SLCO5A1: variants seen among roughly 807,000 people sequenced by gnomAD.
SLCO5A1 encodes the protein organic anion transporter polypeptide-related protein 4.
SLCO5A1 carries 39 observed loss-of-function variants against 65.1 expected under a neutral mutation model. The ratio of observed to expected loss-of-function variants is 0.60; its 90% CI spans 0.46 to 0.78. The LOEUF (loss-of-function observed/expected upper bound fraction) is 0.78. SLCO5A1 is among the 30% of genes least tolerant of loss of function. SLCO5A1 has a pLI of 0.00. For synonymous variants in SLCO5A1, 438 were observed against 415.7 expected (o/e 1.05, Z -0.65); for missense variants, 1,029 against 1,069.4 (o/e 0.96, Z 0.53).
At chr8:69,718,803 T>C (rs747476269) in intron 5 of SLCO5A1, among the ~76,000 whole-genome samples, 4 of 152,124 alleles carry the variant, frequency 2.6e-5, no homozygotes, top group Non-Finnish European at 5.9e-5. Context: ...GTTTACAATC[T>C]AACGTGGGAA....
chr8:69,735,471 A>G (rs1816514102), intron 5 of SLCO5A1, among the ~76,000 whole-genome samples: 1 of 152,266 alleles, frequency 6.6e-6, no homozygotes, highest in African/African-American at 2.4e-5. Context: ...CATATGCACC[A>G]TGGAATTCTA....
intron 2 of SLCO5A1, among the ~76,000 whole-genome samples, chr8:69,783,686 A>G (rs1352553531): frequency 6.6e-6 from 1 of 152,176 alleles, no homozygotes; most frequent in Non-Finnish European, 1.5e-5. Flanking sequence ...TTCCCTAATC[A>G]TTAATCAATC....
In SLCO5A1 at chr8:69,667,810, T is replaced by C. The variant is rs537573287; in HGVS notation, c.*5059A>G. 56 of 152,374 alleles carry C rather than the reference T, an allele frequency of 3.7e-4. No individual in the cohort carries two copies. The highest frequency in any genetic ancestry group is 1.3e-3 in the African/African-American group (52 of 41,594). The allele number at this position is 152,374 out of a possible 1,614,324, so 9.4% of individuals were successfully genotyped here. On this transcript the variant is annotated 3_prime_UTR_variant, in exon 10 of 10. Coordinates refer to ENST00000260126, the MANE Select transcript of SLCO5A1 (RefSeq NM_030958.3). ...TGGCATCTGATTATTCTTGCTAAAA[T>C]AAATATCAAAAGCACTGAGTATTCC...
chr8:69,785,006 GA>G (rs1238446603), intron 2 of SLCO5A1, among the ~76,000 whole-genome samples: 45 of 137,210 alleles, frequency 3.3e-4, no homozygotes, highest in African/African-American at 1.2e-3. Flanking sequence ...AAGAAAGAAA[GA>G]AAAGAAAAGA....
intron 2 of SLCO5A1, among the ~76,000 whole-genome samples, chr8:69,805,550 A>T (rs1461922996): frequency 2.0e-5 from 3 of 152,246 alleles, no homozygotes; most frequent in Non-Finnish European, 4.4e-5. Flanking sequence ...GGGCAAAGAT[A>T]CAATGAATTA....
At chr8:69,823,713 T>A (rs1380812602) in intron 2 of SLCO5A1, among the ~76,000 whole-genome samples, 2 of 152,116 alleles carry the variant, frequency 1.3e-5, no homozygotes, top group Non-Finnish European at 2.9e-5. Context: ...ATTAGACAGA[T>A]CAACGAGACA....
chr8:69,808,931 C>A (rs1820118384), intron 2 of SLCO5A1, among the ~76,000 whole-genome samples: 2 of 151,924 alleles, frequency 1.3e-5, no homozygotes, highest in African/African-American at 4.8e-5. Flanking sequence ...ATGATGAAAT[C>A]CCGTCTCTAC....
chr8:69,768,628 C>A (rs1377795787), intron 2 of SLCO5A1, among the ~76,000 whole-genome samples: 1 of 151,866 alleles, frequency 6.6e-6, no homozygotes, highest in Non-Finnish European at 1.5e-5. Flanking sequence ...TGCGTCCTCA[C>A]CTGGCCTCTC....
chr8:69,734,950 A>G lies in SLCO5A1; in HGVS notation c.1423+3090T>C, dbSNP rs143297022. 2.6e-3 allele frequency among the ~76,000 whole-genome samples: 403 copies of G among 152,302 alleles called. 5 individuals are homozygous for G. The highest frequency in any genetic ancestry group is 9.4e-3 in the African/African-American group (391 of 41,578). On this transcript the variant is annotated intron_variant, in intron 5 of 9. Coordinates refer to ENST00000260126, the MANE Select transcript of SLCO5A1 (RefSeq NM_030958.3). The stretch of plus-strand genomic sequence containing the variant: ...AAACTGATAACAATTCAAAAAACCA[A>G]GAGGAGTTTTAACAAATTTACAAGA...
At position 69,825,278 on chromosome 8, in the gene SLCO5A1, G is replaced by A. The variant is rs545631853; in HGVS notation, c.907+6489C>T. ...ACATAGTGTTGGGAAGTTCTGGCCA[G>A]GGCAATCAGGCAGGAGAAGGAAATA... On this transcript the variant is annotated intron_variant, in intron 2 of 9. Coordinates refer to ENST00000260126, the MANE Select transcript of SLCO5A1 (RefSeq NM_030958.3). Among the ~76,000 whole-genome samples the A allele has an allele frequency of 2.0e-3, 305 of 152,292 alleles. 1 individual carries two copies. Among genetic ancestry groups the A allele is most frequent in the Middle Eastern group, 3.4e-3 (1 of 294 alleles).
intron 2 of SLCO5A1, among the ~76,000 whole-genome samples, chr8:69,782,264 TAA>T (rs1255230140): frequency 3.3e-5 from 5 of 151,976 alleles, no homozygotes; most frequent in East Asian, 1.9e-4. Context: ...TCAAAAATTA[TAA>T]GTTATATAAA....
In SLCO5A1 at chr8:69,679,583, G is replaced by A. The variant is rs765107213; in HGVS notation, c.1819C>T (p.Arg607Cys). ...NYTECTCVQS[R>C]QVITPPTVGQ... ...ACGGTGGGTGGAGTGATCACTTGGC[G>A]ACTTTGGACACAGGTGCATTCTGTA... is the stretch of plus-strand genomic sequence containing the variant. The change falls in exon 8 of 10, where the codon CGC becomes TGC. Residue 607 changes from arginine (R) to cysteine (C), a missense_variant. Arg to Cys is a radical substitution (Grantham distance 180, BLOSUM62 -3). Coordinates refer to ENST00000260126, the MANE Select transcript of SLCO5A1 (RefSeq NM_030958.3). 8.7e-6 allele frequency: 14 copies of A among 1,614,066 alleles called. No individual in the cohort carries two copies. The Middle Eastern group carries it at 4.9e-4, about 57-fold the overall frequency.
intron 5 of SLCO5A1, among the ~76,000 whole-genome samples, chr8:69,706,538 C>A (rs1274202195): frequency 1.3e-5 from 2 of 152,106 alleles, no homozygotes; most frequent in African/African-American, 4.8e-5. Context: ...GGGATTCATG[C>A]CCTTATAAAA....
In SLCO5A1 at chr8:69,669,506, T is replaced by C. The variant is rs1813270153; in HGVS notation, c.*3363A>G. ...TTTACTTCTCTGAGTCTTGGTTTCA[T>C]ATGTTTTTTAAAAAAATAATAAAAT... On this transcript the variant is annotated 3_prime_UTR_variant, in exon 10 of 10. Coordinates refer to ENST00000260126, the MANE Select transcript of SLCO5A1 (RefSeq NM_030958.3). 1 of 152,122 alleles carries C rather than the reference T, an allele frequency of 6.6e-6. No homozygotes were observed. The highest frequency in any genetic ancestry group is 6.5e-5 in the Admixed American group (1 of 15,270). The allele number at this position is 152,122 out of a possible 1,614,324, so 9.4% of individuals were successfully genotyped here.
rs1364159951 is a variant in SLCO5A1 at position 69,668,880 on chromosome 8, A to G, written c.*3989T>C. ...ACAGCGACTAAAGGGAACAATCGGG[A>G]TCAGTGGTTTGATATGTATTTTATG... On this transcript the variant is annotated 3_prime_UTR_variant, in exon 10 of 10. Coordinates refer to ENST00000260126, the MANE Select transcript of SLCO5A1 (RefSeq NM_030958.3). 1 of 152,170 alleles carries G rather than the reference A, an allele frequency of 6.6e-6. No individual in the cohort carries two copies. The highest frequency in any genetic ancestry group is 1.5e-5 in the Non-Finnish European group (1 of 68,026). The allele number at this position is 152,170 out of a possible 1,614,324, so 9.4% of individuals were successfully genotyped here.
chr8:69,684,374 C>T (rs1294287372), intron 6 of SLCO5A1, among the ~76,000 whole-genome samples: 2 of 152,082 alleles, frequency 1.3e-5, no homozygotes, highest in Non-Finnish European at 2.9e-5. Flanking sequence ...CTGGTCACAA[C>T]CCTGCTGATC....
In SLCO5A1 at chr8:69,715,809, A is replaced by G. The variant is rs571845381; in HGVS notation, c.1424-10580T>C. 1.1e-3 allele frequency among the ~76,000 whole-genome samples: 174 copies of G among 152,254 alleles called. 2 individuals carry two copies. Among genetic ancestry groups the G allele is most frequent in the African/African-American group, 4.1e-3 (171 of 41,540 alleles). ...AGACATATTGTGTTTCTTTTTTTTA[A>G]TTGACAGCTTCTCTGAGCTATAATT... On this transcript the variant is annotated intron_variant, in intron 5 of 9. Transcript: ENST00000260126.
At chr8:69,712,012 A>C (rs771658300) in intron 5 of SLCO5A1, among the ~76,000 whole-genome samples, 16 of 152,248 alleles carry the variant, frequency 1.1e-4, no homozygotes, top group Non-Finnish European at 1.9e-4. Flanking sequence ...GTGGCCCAAC[A>C]TAAACCTCTA....
chr8:69,676,735 A>G, intron 8 of SLCO5A1, 62 bp from the exon 9 acceptor site: 1 of 1,479,978 alleles, frequency 6.8e-7, no homozygotes, highest in Non-Finnish European at 9.4e-7. Flanking sequence ...ATGAATGTCA[A>G]ATCAAGTCGG....
Sources: gnomAD v4.1 joint callset for allele counts (sites outside exome capture counted in the v4.1 genomes callset) on GRCh38, gnomAD v4.1.1 for gene constraint, MANE v1.5 for transcripts, NCBI Gene and HGNC (gene_info 2026-07-23, HGNC 2026-07-21) for gene names.